Variants in SHLD1 observed in about 807,000 individuals in gnomAD.
SHLD1 encodes shieldin complex subunit 1.
Under a neutral mutation model 5.5 loss-of-function variants are expected in SHLD1, and 3 were observed. That is an observed-to-expected ratio of 0.54 (90% CI 0.25 to 1.40). SHLD1 has a LOEUF of 1.40. Ranked by LOEUF, SHLD1 falls within the 40% of genes most tolerant of loss-of-function variation. SHLD1 has a pLI of 0.15. For synonymous variants in SHLD1, 92 were observed against 94.3 expected, an observed-to-expected ratio of 0.98 and a Z score of 0.14; for missense variants, 210 against 244.4, an observed-to-expected ratio of 0.86 and a Z score of 0.94.
In SHLD1 at chr20:5,772,984, G is replaced by A; in HGVS notation, c.119G>A (p.Ser40Asn). 1 of 1,614,190 alleles carries A rather than the reference G, an allele frequency of 6.2e-7. No individual in the cohort carries two copies. The highest frequency in any genetic ancestry group is 8.5e-7 in the Non-Finnish European group (1 of 1,180,032). The stretch of plus-strand genomic sequence containing the variant: ...CAGGGACCCAGCCAAGAAGCCAACA[G>A]CGAGGCTTTCAGTTCTTTGGAATTC... ...VLQGPSQEAN[S>N]EAFSSLEFHS... Residue 40 changes from serine (S) to asparagine (N), a missense_variant, in exon 2 of 3, where the codon AGC (serine) becomes AAC (asparagine). Coordinates refer to ENST00000303142, the MANE Select transcript of SHLD1 (RefSeq NM_152504.4).
chr20:5,838,775 C>T (rs1470836585), intron 2 of SHLD1, among the ~76,000 whole-genome samples: 1 of 152,160 alleles, frequency 6.6e-6, no homozygotes, highest in Non-Finnish European at 1.5e-5. Context: ...GAGACTCTGT[C>T]TCAAAAATAA....
At chr20:5,809,469 C>G (rs1212780103) in intron 2 of SHLD1, among the ~76,000 whole-genome samples, 7 of 152,010 alleles carry the variant, frequency 4.6e-5, no homozygotes, top group Non-Finnish European at 7.3e-5. Flanking sequence ...AAGTGGGTCC[C>G]CAGTTCTGTA....
intron 2 of SHLD1, among the ~76,000 whole-genome samples, chr20:5,811,539 C>CA (rs547550802): frequency 2.1e-4 from 31 of 150,260 alleles, no homozygotes; most frequent in African/African-American, 6.8e-4. Flanking sequence ...GAATGGTAGA[C>CA]AAAAAAAAAT....
At chr20:5,804,089 T>A (rs1023679090) in intron 2 of SHLD1, among the ~76,000 whole-genome samples, 2 of 151,340 alleles carry the variant, frequency 1.3e-5, no homozygotes, top group African/African-American at 4.9e-5. Context: ...GGCGGGCAGA[T>A]CACTTGAGGC....
chr20:5,822,709 GTCATGGACT>G (rs2087619793), intron 2 of SHLD1, among the ~76,000 whole-genome samples: 1 of 151,550 alleles, frequency 6.6e-6, no homozygotes, highest in Admixed American at 6.6e-5. Context: ...CTCTCTCCTA[GTCATGGACT>G]TCACACCCAC....
intron 1 of SHLD1, 60 bp downstream of exon 1, chr20:5,750,539 C>CATCT (rs1258072234): frequency 1.3e-5 from 2 of 148,902 alleles, no homozygotes; most frequent in Non-Finnish European, 3.0e-5. Flanking sequence ...CACAGCAATG[C>CATCT]ATCTGATCGT....
At chr20:5,784,627 T>A (rs962813924) in intron 2 of SHLD1, among the ~76,000 whole-genome samples, 1 of 151,970 alleles carries the variant, frequency 6.6e-6, no homozygotes, top group Non-Finnish European at 1.5e-5. Context: ...ATTTTTTATA[T>A]TTTTAGTAGA....
intron 1 of SHLD1, among the ~76,000 whole-genome samples, chr20:5,750,718 T>A (rs974819528): frequency 1.7e-4 from 26 of 152,128 alleles, no homozygotes; most frequent in East Asian, 9.6e-4. Flanking sequence ...TGTTTTTTTT[T>A]AAATTTTTTC....
intron 2 of SHLD1, among the ~76,000 whole-genome samples, chr20:5,851,025 A>G (rs956921211): frequency 1.3e-5 from 2 of 152,182 alleles, no homozygotes; most frequent in African/African-American, 4.8e-5. Context: ...ACAATACAGC[A>G]CACAGACCAA....
At chr20:5,841,118 T>C (rs1445828029) in intron 2 of SHLD1, among the ~76,000 whole-genome samples, 2 of 152,100 alleles carry the variant, frequency 1.3e-5, no homozygotes, top group African/African-American at 4.8e-5. Flanking sequence ...CTAGGAATCT[T>C]TTTGAAAAAA....
At chr20:5,815,992 A>G (rs1206823505) in intron 2 of SHLD1, among the ~76,000 whole-genome samples, 2 of 151,750 alleles carry the variant, frequency 1.3e-5, no homozygotes, top group African/African-American at 4.8e-5. Context: ...GAGGCATGAG[A>G]ATCACTTGAA....
intron 2 of SHLD1, among the ~76,000 whole-genome samples, chr20:5,816,266 A>C (rs867781874): frequency 2.6e-5 from 4 of 152,280 alleles, no homozygotes; most frequent in Middle Eastern, 3.4e-3. Context: ...AAAAAGACAC[A>C]TTTTCCTTGA....
At chr20:5,832,109 T>G (rs1039595599) in intron 2 of SHLD1, among the ~76,000 whole-genome samples, 12 of 152,138 alleles carry the variant, frequency 7.9e-5, no homozygotes, top group African/African-American at 2.7e-4. Flanking sequence ...CCCAGCAAAT[T>G]TTTGTATTTT....
intron 2 of SHLD1, among the ~76,000 whole-genome samples, chr20:5,836,219 C>T (rs562648619): frequency 1.6e-4 from 24 of 151,704 alleles, no homozygotes; most frequent in African/African-American, 4.4e-4. Flanking sequence ...TTACGAGATA[C>T]CAATTTTTTA....
intron 2 of SHLD1, among the ~76,000 whole-genome samples, chr20:5,775,499 A>T (rs931828310): frequency 6.6e-6 from 1 of 152,230 alleles, no homozygotes; most frequent in African/African-American, 2.4e-5. Context: ...ATTGGTTGAC[A>T]GCTCTAAAAA....
At chr20:5,860,327 C>G (rs925008490) in intron 2 of SHLD1, among the ~76,000 whole-genome samples, 1 of 152,176 alleles carries the variant, frequency 6.6e-6, no homozygotes, top group Non-Finnish European at 1.5e-5. Context: ...TCTATCCCCC[C>G]AGAGGTTTGT....
chr20:5,857,172 C>T (rs562272914), intron 2 of SHLD1, among the ~76,000 whole-genome samples: 46 of 152,236 alleles, frequency 3.0e-4, no homozygotes, highest in Middle Eastern at 3.4e-3. Context: ...GACGGGGTTT[C>T]GCCATGTTGG....
chr20:5,797,421 G>C (rs548876123), intron 2 of SHLD1, among the ~76,000 whole-genome samples: 7 of 152,092 alleles, frequency 4.6e-5, no homozygotes, highest in Non-Finnish European at 1.0e-4. Flanking sequence ...AATAAGCTGG[G>C]CATGGTGACG....
chr20:5,763,290 C>CAAAAAAAAAAAAAAAAAAAAA, intron 1 of SHLD1, among the ~76,000 whole-genome samples: 1 of 58,120 alleles, frequency 1.7e-5, no homozygotes, highest in African/African-American at 6.5e-5. Context: ...AACTCCATCT[C>CAAAAAAAAAAAAAAAAAAAAA]AAAAAAAAAA....
Sources: allele counts gnomAD v4.1 joint callset (sites outside exome capture counted in the v4.1 genomes callset), GRCh38; gene constraint gnomAD v4.1.1; transcripts MANE v1.5; gene names NCBI Gene and HGNC (gene_info 2026-07-23, HGNC 2026-07-21).